Variants in FRK observed in about 807,000 individuals in gnomAD.
The protein encoded by FRK is tyrosine-protein kinase FRK.
A neutral mutation model predicts 56.4 loss-of-function variants in FRK; 51 were observed. The ratio of observed to expected loss-of-function variants is 0.90; its 90% CI spans 0.72 to 1.14. FRK has a LOEUF of 1.14. Among genes scored for constraint, FRK ranks in the 50% most tolerant of loss-of-function variants. FRK has a pLI of 0.00. For missense variants in FRK, 570 were observed against 601.4 expected (o/e 0.95, Z 0.55); for synonymous variants, 245 against 217.9 (o/e 1.12, Z -1.10).
At chr6:115,979,189 G>C (rs567567) in intron 2 of FRK, among the ~76,000 whole-genome samples, 1 of 152,170 alleles carries the variant, frequency 6.6e-6, no homozygotes, top group Non-Finnish European at 1.5e-5. Flanking sequence ...TCATAGGAGA[G>C]GACAGCTCCA....
At position 115,962,366 on chromosome 6, in the gene FRK, C is replaced by A. The variant is rs143445162; in HGVS notation, c.799+5185G>T. On this transcript the variant is annotated intron_variant, in intron 4 of 7. Transcript: ENST00000606080. ...GCTAACTATCCTAAATATTTATGCA[C>A]CCAATACAGGAGCACCCAGATTCAT... is the stretch of plus-strand genomic sequence containing the variant. Among the ~76,000 whole-genome samples, 1,293 of 150,900 alleles carry A rather than the reference C, an allele frequency of 8.6e-3. 19 individuals carry two copies. Among genetic ancestry groups the A allele is most frequent in the Middle Eastern group, 0.027 (8 of 292 alleles).
chr6:116,061,185 A>G (rs1454843410), upstream of FRK, among the ~76,000 whole-genome samples: 1 of 152,188 alleles, frequency 6.6e-6, no homozygotes, highest in Non-Finnish European at 1.5e-5. Flanking sequence ...AAGGCAAATT[A>G]AAGTATTTAG....
chr6:116,074,781 T>A, the FRK span, among the ~76,000 whole-genome samples: 3 of 152,132 alleles, frequency 2.0e-5, no homozygotes. Flanking sequence ...TGAAGGGATG[T>A]GAAAAACTTC....
chr6:115,958,703 A>AGAAAGAAAGAAAGAAGGAAG (rs1562257394), intron 4 of FRK, among the ~76,000 whole-genome samples: 1 of 4,730 alleles, frequency 2.1e-4, no homozygotes, highest in African/African-American at 6.4e-4. Context: ...AAAGAAAGAA[A>AGAAAGAAAGAAAGAAGGAAG]GAAGAAAGAA....
chr6:116,031,726 T>A (rs1047589496), intron 1 of FRK, among the ~76,000 whole-genome samples: 1 of 152,086 alleles, frequency 6.6e-6, no homozygotes. Context: ...AGAAATAGAT[T>A]CAGTTAGGTT....
intron 1 of FRK, among the ~76,000 whole-genome samples, chr6:116,058,776 T>C (rs1163746471): frequency 1.3e-5 from 2 of 151,996 alleles, no homozygotes; most frequent in Non-Finnish European, 2.9e-5. Context: ...CCGGGCGTGG[T>C]GGCAGGCGCC....
chr6:116,072,557 ACACACAC>A, the FRK span, among the ~76,000 whole-genome samples: 5 of 147,054 alleles, frequency 3.4e-5, no homozygotes, highest in African/African-American at 1.2e-4. Flanking sequence ...ACACACACAC[ACACACAC>A]AAGATACCTT....
At chr6:116,034,073 CT>C (rs1776386344) in intron 1 of FRK, among the ~76,000 whole-genome samples, 1 of 152,178 alleles carries the variant, frequency 6.6e-6, no homozygotes, top group African/African-American at 2.4e-5. Flanking sequence ...CTGGGGTAAC[CT>C]TTGCGGGGCC....
intron 1 of FRK, among the ~76,000 whole-genome samples, chr6:116,058,649 G>A (rs1280447997): frequency 6.6e-6 from 1 of 152,104 alleles, no homozygotes; most frequent in Non-Finnish European, 1.5e-5. Context: ...GGTGGCTCAC[G>A]CCTGTAATCC....
intron 4 of FRK, among the ~76,000 whole-genome samples, chr6:115,958,332 A>G (rs1364109906): frequency 6.6e-6 from 1 of 151,592 alleles, no homozygotes; most frequent in Admixed American, 6.6e-5. Context: ...TATGATAACC[A>G]TACAGAAAAT....
At chr6:116,084,596 T>C in the FRK span, among the ~76,000 whole-genome samples, 1 of 152,220 alleles carries the variant, frequency 6.6e-6, no homozygotes, top group African/African-American at 2.4e-5. Context: ...TCATGGCCTC[T>C]TGTGACTCAG....
chr6:116,039,441 G>A (rs78827554), intron 1 of FRK: 38,180 of 1,573,130 alleles, frequency 0.024, 571 homozygotes, highest in Non-Finnish European at 0.028. Flanking sequence ...GCTTCCTCGT[G>A]GGTGATGCTT....
In FRK at chr6:115,942,573, C is replaced by A. The variant is rs762379884; in HGVS notation, c.1359G>T (p.Pro453=). 1 of 1,613,724 alleles carries A rather than the reference C, an allele frequency of 6.2e-7. No homozygotes were observed. Among genetic ancestry groups the A allele is most frequent in the South Asian group, 1.1e-5 (1 of 91,064 alleles). Residue 453 remains proline, a synonymous_variant, in exon 8 of 8, where the codon CCG becomes CCT. Transcript: ENST00000606080. ...IQMLAQNYRL[P]QPSNCPQQFY... ...ATTGCTGTGGACAGTTGGATGGTTG[C>A]GGAAGTCTATAGTTTTGAGCCAACA... is the stretch of plus-strand genomic sequence containing the variant.
chr6:115,994,316 TCACAACCTC>T (rs1238093483), intron 2 of FRK, among the ~76,000 whole-genome samples: 4 of 107,832 alleles, frequency 3.7e-5, no homozygotes, highest in Admixed American at 2.2e-4. Flanking sequence ...ATCCAGAATC[TCACAACCTC>T]CCCCCCCCCC....
At chr6:116,059,928 C>T in intron 1 of FRK, 40 bp downstream of exon 1, 1 of 1,523,430 alleles carries the variant, frequency 6.6e-7, no homozygotes, top group South Asian at 1.2e-5. Context: ...ACCCAGCCCT[C>T]AGAGAGTTCA....
intron 2 of FRK, among the ~76,000 whole-genome samples, chr6:115,982,628 T>A (rs779437703): frequency 6.6e-6 from 1 of 152,096 alleles, no homozygotes; most frequent in East Asian, 1.9e-4. Flanking sequence ...CCTTACTCAT[T>A]CAGGAGTGAA....
At chr6:116,067,721 GT>G in the FRK span, among the ~76,000 whole-genome samples, 1 of 152,134 alleles carries the variant, frequency 6.6e-6, no homozygotes, top group Admixed American at 6.5e-5. Context: ...CAAGAGTCTT[GT>G]TGTTGTTGTC....
chr6:115,953,180 A>ACTTTTTTTTTTTTTTTTTTTTTTTTTT lies in FRK; in HGVS notation c.958+3271_958+3272insAAAAAAAAAAAAAAAAAAAAAAAAAAG, dbSNP rs34026302. ...AGAGTGGTACATCCATTTTAAGGCC[A>ACTTTTTTTTTTTTTTTTTTTTTTTTTT]TTTTTTTTTTTTTTTTTTTTTTTTT... On this transcript the variant is annotated intron_variant, in intron 5 of 7. Transcript: ENST00000606080. Among the ~76,000 whole-genome samples, 10 of 104,032 alleles carry ACTTTTTTTTTTTTTTTTTTTTTTTTTT rather than the reference A, an allele frequency of 9.6e-5. 4 individuals carry two copies. Among genetic ancestry groups the ACTTTTTTTTTTTTTTTTTTTTTTTTTT allele is most frequent in the Admixed American group, 1.2e-4 (1 of 8,162 alleles). 68.2% of individuals were successfully genotyped at this position (104,032 alleles called of 152,430 possible).
rs1446767845 is a variant in FRK at position 115,941,353 on chromosome 6, G to A, written c.*1061C>T. ...TACTGGGGCCTGTCAGGGGATGGAG[G>A]GCTAGGGGAGGAACAGCACTAGGAG... On this transcript the variant is annotated 3_prime_UTR_variant, in exon 8 of 8. Transcript: ENST00000606080. The A allele has an allele frequency of 6.6e-6, 1 of 152,134 alleles. No homozygotes were observed. Among genetic ancestry groups the A allele is most frequent in the East Asian group, 1.9e-4 (1 of 5,176 alleles). 9.4% of individuals were successfully genotyped at this position (152,134 alleles called of 1,614,324 possible).
Sources: allele counts gnomAD v4.1 joint callset (sites outside exome capture counted in the v4.1 genomes callset), GRCh38; gene constraint gnomAD v4.1.1; transcripts MANE v1.5; gene names NCBI Gene and HGNC (gene_info 2026-07-23, HGNC 2026-07-21).